ROBO2: variants seen among roughly 807,000 people sequenced by gnomAD.
The protein encoded by ROBO2 is roundabout guidance receptor 2, also known as roundabout homolog 2.
ROBO2 carries 53 observed loss-of-function variants against 160.8 expected under a neutral mutation model. The ratio of observed to expected loss-of-function variants is 0.33; its 90% CI spans 0.26 to 0.41. The LOEUF (loss-of-function observed/expected upper bound fraction) is 0.41. Ranked by LOEUF, ROBO2 falls within the 10% of genes least tolerant of loss-of-function variation. The pLI is 1.00. For synonymous variants in ROBO2, 664 were observed against 611.7 expected (o/e 1.09, Z -1.26); for missense variants, 1,577 against 1,722.4 (o/e 0.92, Z 1.49).
intron 1 of ROBO2, among the ~76,000 whole-genome samples, chr3:75,917,824 A>G (rs927131448): frequency 1.1e-4 from 17 of 152,204 alleles, no homozygotes; most frequent in African/African-American, 4.1e-4. Context: ...TATTGGCCAC[A>G]TACATGTCTT....
intron 2 of ROBO2, among the ~76,000 whole-genome samples, chr3:75,999,281 T>C (rs923625228): frequency 3.9e-5 from 6 of 152,180 alleles, no homozygotes; most frequent in Non-Finnish European, 5.9e-5. Context: ...ACAATAACAA[T>C]TGTTACATTT....
rs561884868 is a variant in ROBO2, at chr3:76,547,989, A to T, written c.110-550025A>T. On this transcript the variant is annotated intron_variant, in intron 2 of 26. Transcript: ENST00000487694. ...TATTTGTTTTAATGTCATGTGAAAC[A>T]AGTCACATGATAAAGATCAGTATCT... Among the ~76,000 whole-genome samples, 7 of 152,272 alleles carry T rather than the reference A, an allele frequency of 4.6e-5. No homozygotes were observed. The South Asian group carries it at 1.2e-3, about 27-fold the overall frequency.
intron 2 of ROBO2, among the ~76,000 whole-genome samples, chr3:77,188,983 G>GAGAGAAAGAGAGAGAGAA (rs1553829034): frequency 1.7e-4 from 25 of 148,370 alleles, no homozygotes; most frequent in African/African-American, 6.1e-4. Flanking sequence ...GAGAGAGAGA[G>GAGAGAAAGAGAGAGAGAA]AGAGAGAGAG....
upstream of ROBO2, among the ~76,000 whole-genome samples, chr3:77,038,667 C>T (rs2063780412): frequency 6.6e-6 from 1 of 152,118 alleles, no homozygotes; most frequent in Non-Finnish European, 1.5e-5. Flanking sequence ...GAACAAGCAT[C>T]AAACGGCTAC....
chr3:76,278,497 C>T (rs908339274), intron 2 of ROBO2, among the ~76,000 whole-genome samples: 13 of 151,962 alleles, frequency 8.6e-5, no homozygotes, highest in African/African-American at 3.1e-4. Flanking sequence ...CTTAGTTTCT[C>T]TTATACTGAG....
At chr3:77,315,837 C>A (rs1248456254) in intron 2 of ROBO2, among the ~76,000 whole-genome samples, 1 of 151,780 alleles carries the variant, frequency 6.6e-6, no homozygotes, top group African/African-American at 2.4e-5. Context: ...ATAAGTTTGT[C>A]TCGTCTTAAA....
rs117387749 is a variant in ROBO2, at chr3:76,055,378, A to T, written c.109+117776A>T. Among the ~76,000 whole-genome samples the T allele has an allele frequency of 6.9e-3, 1,057 of 152,254 alleles. 63 individuals carry two copies. In the East Asian group the frequency reaches 0.15, roughly 22 times the overall value. ...TTATTTTCTAATTTTAGATGCAGAG[A>T]TTATTTGTTACATGGCTATTCCATG... is the stretch of plus-strand genomic sequence containing the variant. On this transcript the variant is annotated intron_variant, in intron 2 of 26. Coordinates refer to the ROBO2 transcript ENST00000487694.
At chr3:76,707,760 T>TATAA (rs1491556017) in intron 2 of ROBO2, among the ~76,000 whole-genome samples, 2 of 134,380 alleles carry the variant, frequency 1.5e-5, no homozygotes, top group East Asian at 4.2e-4. Flanking sequence ...TATATATATA[T>TATAA]AAATCTTAAA....
intron 2 of ROBO2, among the ~76,000 whole-genome samples, chr3:77,392,429 C>T (rs2074832624): frequency 6.6e-6 from 1 of 152,222 alleles, no homozygotes; most frequent in Non-Finnish European, 1.5e-5. Context: ...GTTTTTCTTG[C>T]TGCAGGCAGA....
intron 2 of ROBO2, among the ~76,000 whole-genome samples, chr3:77,103,805 A>G (rs957529103): frequency 6.6e-6 from 1 of 152,216 alleles, no homozygotes; most frequent in Non-Finnish European, 1.5e-5. Context: ...TTATCTGTAC[A>G]AAGAAGAGAG....
chr3:77,385,884 C>T (rs1384064802), intron 2 of ROBO2, among the ~76,000 whole-genome samples: 2 of 152,104 alleles, frequency 1.3e-5, no homozygotes, highest in African/African-American at 4.8e-5. Context: ...ACACTCGATC[C>T]AGGAATGTTT....
At chr3:77,365,305 A>G (rs2070697059) in intron 2 of ROBO2, among the ~76,000 whole-genome samples, 1 of 152,098 alleles carries the variant, frequency 6.6e-6, no homozygotes, top group Non-Finnish European at 1.5e-5. Flanking sequence ...GGTTTATGGC[A>G]GCTGAATTTG....
chr3:76,643,591 AAGG>A (rs1409849295), intron 2 of ROBO2, among the ~76,000 whole-genome samples: 1 of 152,190 alleles, frequency 6.6e-6, no homozygotes, highest in Non-Finnish European at 1.5e-5. Flanking sequence ...AACCAGGAAA[AAGG>A]AGGATGTGCA....
intron 2 of ROBO2, among the ~76,000 whole-genome samples, chr3:76,367,461 A>G (rs2075878045): frequency 6.6e-6 from 1 of 151,970 alleles, no homozygotes; most frequent in Admixed American, 6.6e-5. Context: ...GCGGGATACT[A>G]GAGATAACCC....
intron 2 of ROBO2, among the ~76,000 whole-genome samples, chr3:76,958,420 C>CA: frequency 6.6e-6 from 1 of 152,346 alleles, no homozygotes; most frequent in East Asian, 1.9e-4. Flanking sequence ...GCTTTGGCAT[C>CA]AAATTGCACT....
In ROBO2 at chr3:76,643,421, C is replaced by T. The variant is rs560899904; in HGVS notation, c.110-454593C>T. Among the ~76,000 whole-genome samples the T allele has an allele frequency of 9.3e-3, 1,419 of 152,148 alleles. 15 individuals carry two copies. The highest frequency in any genetic ancestry group is 0.032 in the African/African-American group (1,326 of 41,516). ...AGTTTTTTAAACTAGAAAGAAATAT[C>T]GTTTTTGATGAAGATACGACATCCA... On this transcript the variant is annotated intron_variant, in intron 2 of 26. Transcript: ENST00000487694.
intron 2 of ROBO2, among the ~76,000 whole-genome samples, chr3:76,304,739 T>TTCCTTCCTTCCTTCC (rs34156915): frequency 3.1e-3 from 258 of 83,256 alleles, no homozygotes; most frequent in South Asian, 0.024. Flanking sequence ...TTTCTTTTCT[T>TTCCTTCCTTCCTTCC]TTCTTTCCTT....
intron 2 of ROBO2, among the ~76,000 whole-genome samples, chr3:76,243,999 A>T (rs1375912535): frequency 6.6e-6 from 1 of 152,178 alleles, no homozygotes; most frequent in African/African-American, 2.4e-5. Context: ...TATTGTCAGA[A>T]TATGGTTAAC....
intron 2 of ROBO2, among the ~76,000 whole-genome samples, chr3:76,202,915 T>C (rs961807428): frequency 6.6e-5 from 10 of 152,012 alleles, no homozygotes; most frequent in Non-Finnish European, 1.0e-4. Flanking sequence ...CTAGGCAGAG[T>C]GACACTGTGT....
Sources: gnomAD v4.1 joint callset for allele counts (sites outside exome capture counted in the v4.1 genomes callset) on GRCh38, gnomAD v4.1.1 for gene constraint, MANE v1.5 for transcripts, NCBI Gene and HGNC (gene_info 2026-07-23, HGNC 2026-07-21) for gene names.